The following CDH23 variants were observed in gnomAD, a reference collection of about 807,000 sequenced individuals.
CDH23 encodes the protein cadherin-23.
CDH23 carries 189 observed loss-of-function variants against 317.1 expected under a neutral mutation model. That is an observed-to-expected ratio of 0.60 (90% CI 0.53 to 0.67). The LOEUF is 0.67. Among genes scored for constraint, CDH23 ranks in the 30% least tolerant of loss-of-function variants. The probability of loss-of-function intolerance (pLI) is 0.00; values close to 1 mark genes in which losing one functional copy is unlikely to be tolerated. For synonymous variants in CDH23, 1,839 were observed against 1,876.8 expected (o/e 0.98, Z 0.52); for missense variants, 4,401 against 4,592.4 (o/e 0.96, Z 1.20).
chr10:71,785,652 C>T lies in CDH23; in HGVS notation c.5734C>T (p.Arg1912Trp), dbSNP rs397517344. Reference protein sequence around the residue: ...NATTGIVTVNRPLDRERIPEY... With the variant: ...NATTGIVTVNWPLDRERIPEY... ...CCAGACAGGGATCGTCACTGTGAAC[C>T]GGCCCCTGGACCGCGAGCGGATCCC... Residue 1912 changes from arginine (R) to tryptophan (W), a missense_variant, in exon 44 of 70, where the codon CGG becomes TGG. Transcript: ENST00000224721. The T allele has an allele frequency of 4.4e-5, 70 of 1,603,538 alleles. No homozygotes were observed. Among genetic ancestry groups the T allele is most frequent in the Non-Finnish European group, 5.3e-5 (62 of 1,175,210 alleles).
chr10:71,595,182 A>G (rs1859755593), intron 9 of CDH23, among the ~76,000 whole-genome samples: 1 of 152,220 alleles, frequency 6.6e-6, no homozygotes, highest in African/African-American at 2.4e-5. Context: ...TCACGAGTTC[A>G]TTGACATCAC....
At chr10:71,558,575 C>T (rs1564652261) in intron 6 of CDH23, among the ~76,000 whole-genome samples, 3 of 151,934 alleles carry the variant, frequency 2.0e-5, no homozygotes, top group Non-Finnish European at 4.4e-5. Flanking sequence ...TGTTTTTTCC[C>T]ACTCTGTCTT....
At chr10:71,492,860 T>C (rs1852742940) in intron 3 of CDH23, among the ~76,000 whole-genome samples, 1 of 152,084 alleles carries the variant, frequency 6.6e-6, no homozygotes, top group African/African-American at 2.4e-5. Flanking sequence ...TCTTCCAGAT[T>C]GTGGGATTGA....
At position 71,815,529 on chromosome 10, in the gene CDH23, T is replaced by A. The variant is rs1359481493; in HGVS notation, c.*251T>A. On this transcript the variant is annotated 3_prime_UTR_variant, in exon 70 of 70. Transcript: ENST00000224721. The stretch of plus-strand genomic sequence containing the variant: ...AAACCAAACAAAAATGTTAAGCATC[T>A]AAGGACAAGGTAAGGAGGGTCACTG... 2.4e-6 allele frequency: 1 copy of A among 413,000 alleles called. No homozygotes were observed. The highest frequency in any genetic ancestry group is 4.3e-6 in the Non-Finnish European group (1 of 231,284). The allele number at this position is 413,000 out of a possible 1,614,324, so 25.6% of individuals were successfully genotyped here. A position where few individuals can be genotyped will look rare whatever the true frequency, so the allele number is the denominator to read the frequency against.
intron 56 of CDH23, 38 bp from the exon 57 acceptor site, chr10:71,806,130 C>G: frequency 6.5e-7 from 1 of 1,541,124 alleles, no homozygotes; most frequent in South Asian, 1.2e-5. Flanking sequence ...AATCCCCTCT[C>G]CCAGTCTTTT....
chr10:71,430,249 C>T (rs10740380), intron 1 of CDH23, among the ~76,000 whole-genome samples: 4 of 151,036 alleles, frequency 2.6e-5, no homozygotes, highest in South Asian at 2.1e-4. Context: ...CCAGCAGGGG[C>T]TGGGGATATG....
intron 1 of CDH23, among the ~76,000 whole-genome samples, chr10:71,403,459 TTCCTTCCTTCCTTCCTTCC>T (rs1847943177): frequency 1.6e-4 from 4 of 25,072 alleles, no homozygotes; most frequent in Non-Finnish European, 2.8e-4. Flanking sequence ...CTTCCTTTCC[TTCCTTCCTTCCTTCCTTCC>T]TTCCTTCCTT....
At position 71,798,540 on chromosome 10, in the gene CDH23, T is replaced by C; in HGVS notation, c.7016T>C (p.Val2339Ala). The C allele has an allele frequency of 6.2e-7, 1 of 1,613,450 alleles. No individual in the cohort carries two copies. Among genetic ancestry groups the C allele is most frequent in the Non-Finnish European group, 8.5e-7 (1 of 1,179,634 alleles). The change falls in exon 50 of 70, where the codon GTG becomes GCG. Residue 2339 changes from valine to alanine, a missense_variant. Val to Ala is a moderately conservative substitution (Grantham distance 64, BLOSUM62 0). Coordinates refer to ENST00000224721, the MANE Select transcript of CDH23 (RefSeq NM_022124.6). ...GLVTYTLLDL[V>A]PPGYVQLEDS... ...GTCACCTACACCCTGCTGGACCTGGTGCCCCCAGGGTATGTCCAGCTGGAG... is the reference window on the plus strand; with the variant it reads ...GTCACCTACACCCTGCTGGACCTGGCGCCCCCAGGGTATGTCCAGCTGGAG...
rs144993268 is a variant in CDH23, at chr10:71,768,157, C to T, written c.4846-9523C>T. Among the ~76,000 whole-genome samples the T allele has an allele frequency of 4.0e-3, 602 of 152,250 alleles. 5 individuals are homozygous for T. Among genetic ancestry groups the T allele is most frequent in the African/African-American group, 0.014 (578 of 41,542 alleles). The stretch of plus-strand genomic sequence containing the variant: ...TCTAAGTGCTTGTTTGTTTGGTTGG[C>T]TTTGTTGCTGTTGTTGTTGTTGTTG... On this transcript the variant is annotated intron_variant, in intron 38 of 69. Coordinates refer to ENST00000224721, the MANE Select transcript of CDH23 (RefSeq NM_022124.6).
intron 11 of CDH23, among the ~76,000 whole-genome samples, chr10:71,640,178 G>T (rs1220176667): frequency 6.6e-6 from 1 of 152,174 alleles, no homozygotes; most frequent in Admixed American, 6.5e-5. Flanking sequence ...GCTACACTGA[G>T]CTCACACCAT....
Position 71,595,578 on chromosome 10 carries a change from C to T in CDH23, c.832+17586C>T, listed in dbSNP as rs573349867. 6.6e-5 allele frequency among the ~76,000 whole-genome samples: 10 copies of T among 152,342 alleles called. No individual in the cohort carries two copies. The South Asian group carries it at 1.9e-3, about 28-fold the overall frequency. ...GTCTCTTTGACATTCTTTCCTTCCC[C>T]CCATGGTAACCACTGAATCCCTGGG... On this transcript the variant is annotated intron_variant, in intron 9 of 69. Transcript: ENST00000224721.
In CDH23 at chr10:71,474,869, T is replaced by C. The variant is rs565374814; in HGVS notation, c.145+28474T>C. Reference sequence around the variant, plus strand: ...GCATGCCAAGTAACTGTTGAATGAATGAATAAACCTGGATTCTTACTTCTT... The same window carrying C: ...GCATGCCAAGTAACTGTTGAATGAACGAATAAACCTGGATTCTTACTTCTT... On this transcript the variant is annotated intron_variant, in intron 3 of 69. Transcript: ENST00000224721. Among the ~76,000 whole-genome samples, 16 of 152,346 alleles carry C rather than the reference T, an allele frequency of 1.1e-4. No homozygotes were observed. The South Asian group carries it at 3.1e-3, about 30-fold the overall frequency.
intron 32 of CDH23, among the ~76,000 whole-genome samples, chr10:71,733,487 C>T (rs1440316143): frequency 1.3e-5 from 2 of 152,208 alleles, no homozygotes; most frequent in Non-Finnish European, 2.9e-5. Flanking sequence ...TGATCAGCCC[C>T]AACCGAGGAC....
At chr10:71,745,800 G>C (rs1259402360) in intron 38 of CDH23, among the ~76,000 whole-genome samples, 1 of 152,176 alleles carries the variant, frequency 6.6e-6, no homozygotes, top group Non-Finnish European at 1.5e-5. Context: ...CCAGAGACCT[G>C]AGCAGCATGC....
At chr10:71,547,217 C>A (rs544001147) in intron 6 of CDH23, among the ~76,000 whole-genome samples, 1 of 152,146 alleles carries the variant, frequency 6.6e-6, no homozygotes, top group African/African-American at 2.4e-5. Context: ...GCCAAGGACC[C>A]GATCCAGACT....
chr10:71,736,905 G>A (rs1564766916), intron 34 of CDH23, among the ~76,000 whole-genome samples: 1 of 152,196 alleles, frequency 6.6e-6, no homozygotes. Context: ...GCTTCCCTGA[G>A]GAAGGGACTC....
intron 47 of CDH23, among the ~76,000 whole-genome samples, chr10:71,792,444 T>C (rs1841276855): frequency 6.6e-6 from 1 of 151,992 alleles, no homozygotes; most frequent in African/African-American, 2.4e-5. Context: ...AGAGGAAAAA[T>C]ATTAAATTTC....
At chr10:71,738,278 AGT>A (rs1839624225) in intron 34 of CDH23, among the ~76,000 whole-genome samples, 1 of 152,052 alleles carries the variant, frequency 6.6e-6, no homozygotes, top group Admixed American at 6.5e-5. Flanking sequence ...CCAAGATTTA[AGT>A]GTGTCTACCT....
At chr10:71,719,085 T>C (rs545529544) in intron 28 of CDH23, among the ~76,000 whole-genome samples, 135 of 150,628 alleles carry the variant, frequency 9.0e-4, no homozygotes, top group African/African-American at 3.2e-3. Context: ...CTCAAAAAAA[T>C]AAAAAATAAA....
Sources: allele counts gnomAD v4.1 joint callset (sites outside exome capture counted in the v4.1 genomes callset), GRCh38; gene constraint gnomAD v4.1.1; transcripts MANE v1.5; gene names NCBI Gene and HGNC (gene_info 2026-07-23, HGNC 2026-07-21).